DIP2C: variants seen among roughly 807,000 people sequenced by gnomAD.
The protein encoded by DIP2C is DIP2 acetate--CoA ligase C (putative).
In DIP2C, 33 loss-of-function variants were observed where a neutral mutation model predicts 192.4. The observed-to-expected ratio is 0.17, with a 90% confidence interval of 0.13 to 0.23. DIP2C has a LOEUF of 0.23. Among genes scored for constraint, DIP2C ranks in the 10% least tolerant of loss-of-function variants. DIP2C has a pLI of 1.00. For missense variants in DIP2C, 1,537 were observed against 2,110.1 expected, an observed-to-expected ratio of 0.73 and a Z score of 5.32; for synonymous variants, 979 against 864.1, an observed-to-expected ratio of 1.13 and a Z score of -2.33.
intron 35 of DIP2C, among the ~76,000 whole-genome samples, chr10:281,756 T>C (rs1351273046): frequency 1.3e-5 from 2 of 152,212 alleles, no homozygotes; most frequent in Non-Finnish European, 2.9e-5. Flanking sequence ...TGTGACTCTA[T>C]CCCACACATG....
In DIP2C at chr10:329,727, T is replaced by A; in HGVS notation, c.3585-126A>T. The A allele has an allele frequency of 4.9e-6, 6 of 1,224,772 alleles. 1 individual carries two copies. In the South Asian group the frequency reaches 9.6e-5, roughly 20 times the overall value. The allele number at this position is 1,224,772 out of a possible 1,614,324, so 75.9% of individuals were successfully genotyped here. On this transcript the variant is annotated intron_variant, in intron 29 of 36. Transcript: ENST00000280886. ...ACTTGGAACAGCCCGTGCTGCCATCTGTAGAAGGGCACAGTAAAGCCAACG... is the reference window on the plus strand; with the variant it reads ...ACTTGGAACAGCCCGTGCTGCCATCAGTAGAAGGGCACAGTAAAGCCAACG...
intron 1 of DIP2C, among the ~76,000 whole-genome samples, chr10:568,799 C>A (rs111633195): frequency 0.82 from 81,335 of 98,590 alleles, 32,640 homozygotes; most frequent in South Asian, 0.93. Context: ...AAAAAAAAAA[C>A]CTTCACTTGA....
intron 1 of DIP2C, among the ~76,000 whole-genome samples, chr10:508,440 G>C (rs1845781289): frequency 6.6e-6 from 1 of 152,172 alleles, no homozygotes; most frequent in South Asian, 2.1e-4. Flanking sequence ...AATTCTAACA[G>C]TGCTTACCTA....
Position 435,958 on chromosome 10 carries a change from CATATAT to C in DIP2C, c.394+4907_394+4912del, listed in dbSNP as rs138299343. The stretch of plus-strand genomic sequence containing the variant: ...GAACTTTAAACCTACTTTGTAGCCT[CATATAT>C]ATATATAAATATATAAACAGGTACA... On this transcript the variant is annotated intron_variant, in intron 4 of 36. Coordinates refer to ENST00000280886, the MANE Select transcript of DIP2C (RefSeq NM_014974.3). Among the ~76,000 whole-genome samples the C allele has an allele frequency of 1.3e-5, 2 of 151,538 alleles. 1 individual carries two copies. The highest frequency in any genetic ancestry group is 4.2e-4 in the South Asian group (2 of 4,782).
At position 390,111 on chromosome 10, in the gene DIP2C, G is replaced by C; in HGVS notation, c.1495-18C>G. 1 of 1,609,832 alleles carries C rather than the reference G, an allele frequency of 6.2e-7. No individual in the cohort carries two copies. The highest frequency in any genetic ancestry group is 8.5e-7 in the Non-Finnish European group (1 of 1,176,524). On this transcript the variant is annotated intron_variant, in intron 12 of 36. Transcript: ENST00000280886. The stretch of plus-strand genomic sequence containing the variant: ...GTCTTGTACTGAAACGAGACAAAGC[G>C]TGAGGGAAGTGGGGCTGACAGGTCA...
chr10:568,787 A>C (rs1425269831), intron 1 of DIP2C, among the ~76,000 whole-genome samples: 2 of 145,398 alleles, frequency 1.4e-5, no homozygotes, highest in Admixed American at 6.8e-5. Flanking sequence ...AAAAAAAAAA[A>C]AAAAAAAAAA....
chr10:357,778 A>T (rs1959160840), intron 23 of DIP2C, 50 bp downstream of exon 23: 1 of 1,414,172 alleles, frequency 7.1e-7, no homozygotes. Flanking sequence ...GGTCGGGGAC[A>T]GTCGGAAAAG....
At chr10:681,325 A>T (rs1486113755) in intron 1 of DIP2C, among the ~76,000 whole-genome samples, 1 of 151,224 alleles carries the variant, frequency 6.6e-6, no homozygotes, top group Non-Finnish European at 1.5e-5. Context: ...TGGTATGGCC[A>T]CCGCCTGTGG....
intron 1 of DIP2C, among the ~76,000 whole-genome samples, chr10:504,190 A>G (rs1276325419): frequency 6.6e-6 from 1 of 152,206 alleles, no homozygotes. Context: ...TGGGCTGGAG[A>G]CCCACAGCGT....
intron 35 of DIP2C, 21 bp from the exon 36 acceptor site, chr10:281,344 G>A (rs1201432146): frequency 3.1e-6 from 5 of 1,591,076 alleles, no homozygotes; most frequent in Non-Finnish European, 4.3e-6. Flanking sequence ...ATGACAGCCT[G>A]CGTAAGCTTC....
intron 24 of DIP2C, among the ~76,000 whole-genome samples, chr10:355,161 G>A (rs1959019401): frequency 6.6e-6 from 1 of 152,116 alleles, no homozygotes; most frequent in African/African-American, 2.4e-5. Flanking sequence ...AGCGAACGAG[G>A]GCCAGAAGGT....
chr10:668,891 T>G (rs1348966959), intron 1 of DIP2C: 2 of 152,164 alleles, frequency 1.3e-5, no homozygotes, highest in Non-Finnish European at 2.9e-5. Context: ...CACTTTGGTG[T>G]GGGGTGCTCC....
chr10:541,538 G>GA (rs1847985933), intron 1 of DIP2C, among the ~76,000 whole-genome samples: 2 of 116,218 alleles, frequency 1.7e-5, no homozygotes, highest in African/African-American at 3.4e-5. Flanking sequence ...ATCTCTCCTC[G>GA]ACCCCACAGT....
rs34384148 is a variant in DIP2C at position 275,470 on chromosome 10, CTTTTTTTTT to C, written c.*1846_*1854del. 2 of 134,574 alleles carry C rather than the reference CTTTTTTTTT, an allele frequency of 1.5e-5. No homozygotes were observed. Among genetic ancestry groups the C allele is most frequent in the African/African-American group, 2.8e-5 (1 of 36,196 alleles). 8.3% of individuals were successfully genotyped at this position (134,574 alleles called of 1,614,324 possible). ...CAGACACATTTTTTTAAATGTGCCA[CTTTTTTTTT>C]TTTTTTTTTTTTAACAACAATCAGC... On this transcript the variant is annotated 3_prime_UTR_variant, in exon 37 of 37. Coordinates refer to ENST00000280886, the MANE Select transcript of DIP2C (RefSeq NM_014974.3).
intron 35 of DIP2C, among the ~76,000 whole-genome samples, chr10:282,765 T>C (rs2132143369): frequency 6.6e-6 from 1 of 152,358 alleles, no homozygotes; most frequent in South Asian, 2.1e-4. Flanking sequence ...GGCCCTACTC[T>C]CTGATGAATG....
At chr10:518,764 G>A (rs1207224686) in intron 1 of DIP2C, among the ~76,000 whole-genome samples, 1 of 152,208 alleles carries the variant, frequency 6.6e-6, no homozygotes, top group Non-Finnish European at 1.5e-5. Flanking sequence ...AATGCTCACC[G>A]TCCTACAGAG....
At chr10:370,786 G>C (rs1447707667) in intron 17 of DIP2C, among the ~76,000 whole-genome samples, 1 of 152,152 alleles carries the variant, frequency 6.6e-6, no homozygotes, top group Non-Finnish European at 1.5e-5. Flanking sequence ...TGGACTATAA[G>C]TTAGCTGTTT....
At chr10:536,320 TCTC>T (rs1847689635) in intron 1 of DIP2C, among the ~76,000 whole-genome samples, 1 of 152,142 alleles carries the variant, frequency 6.6e-6, no homozygotes, top group African/African-American at 2.4e-5. Context: ...ATCCAGGATA[TCTC>T]CTGAGAGCAT....
intron 8 of DIP2C, among the ~76,000 whole-genome samples, chr10:413,679 C>T (rs943132791): frequency 2.6e-5 from 4 of 152,152 alleles, no homozygotes; most frequent in East Asian, 3.9e-4. Flanking sequence ...AGTGGCTGCG[C>T]GAGGGGGTGG....
Sources: gnomAD v4.1 joint callset for allele counts (sites outside exome capture counted in the v4.1 genomes callset) on GRCh38, gnomAD v4.1.1 for gene constraint, MANE v1.5 for transcripts, NCBI Gene and HGNC (gene_info 2026-07-23, HGNC 2026-07-21) for gene names.